The following CADM2 variants were observed in gnomAD, a reference collection of about 807,000 sequenced individuals.
The protein encoded by CADM2 is immunoglobulin superfamily member 4D.
Under a neutral mutation model 49.8 loss-of-function variants are expected in CADM2, and 12 were observed. The observed-to-expected ratio is 0.24, with a 90% CI of 0.15 to 0.39. The LOEUF (loss-of-function observed/expected upper bound fraction) is 0.39. Ranked by LOEUF, CADM2 falls within the 10% of genes least tolerant of loss-of-function variation. The probability of loss-of-function intolerance (pLI) is 1.00; values close to 1 mark genes in which losing one functional copy is unlikely to be tolerated. For missense variants in CADM2, 378 were observed against 492.3 expected (o/e 0.77, Z 2.20); for synonymous variants, 214 against 175.4 (o/e 1.22, Z -1.74).
intron 1 of CADM2, among the ~76,000 whole-genome samples, chr3:85,229,749 T>G (rs1467597243): frequency 6.6e-6 from 1 of 152,186 alleles, no homozygotes; most frequent in Non-Finnish European, 1.5e-5. Flanking sequence ...AAAAGTATTT[T>G]TGGTGTAAGA....
intron 1 of CADM2, among the ~76,000 whole-genome samples, chr3:85,466,726 C>A (rs544858685): frequency 6.6e-6 from 1 of 151,358 alleles, no homozygotes; most frequent in East Asian, 1.9e-4. Context: ...TAATTCAGTT[C>A]TTTTTTCAAA....
At chr3:85,507,083 A>G (rs945511647) in intron 1 of CADM2, among the ~76,000 whole-genome samples, 4 of 152,152 alleles carry the variant, frequency 2.6e-5, no homozygotes. Context: ...ATTTAAATTC[A>G]GCTATGCAGA....
At chr3:85,050,633 T>G (rs1446171715) in intron 1 of CADM2, among the ~76,000 whole-genome samples, 1 of 152,178 alleles carries the variant, frequency 6.6e-6, no homozygotes, top group South Asian at 2.1e-4. Flanking sequence ...AATGTTAAAA[T>G]ATGGTCTGTA....
Position 85,855,613 on chromosome 3 carries a change from ATAT to A in CADM2, c.239-27677_239-27675del, listed in dbSNP as rs2075282174. ...ATATATATATAAAACATATATATAT[ATAT>A]AAAACATATATATATATATATATAT... On this transcript the variant is annotated intron_variant, in intron 3 of 9. Transcript: ENST00000383699. Among the ~76,000 whole-genome samples the A allele has an allele frequency of 5.3e-5, 3 of 57,020 alleles. 1 individual carries two copies. Among genetic ancestry groups the A allele is most frequent in the African/African-American group, 5.5e-5 (1 of 18,038 alleles). The allele number at this position is 57,020 out of a possible 152,430, so 37.4% of individuals were successfully genotyped here.
chr3:85,726,197 T>C (rs997421048), intron 1 of CADM2, among the ~76,000 whole-genome samples: 1 of 151,992 alleles, frequency 6.6e-6, no homozygotes, highest in Non-Finnish European at 1.5e-5. Context: ...AAACTATATA[T>C]AATTTTAATT....
At chr3:85,402,537 A>T (rs1481774683) in intron 1 of CADM2, among the ~76,000 whole-genome samples, 1 of 150,108 alleles carries the variant, frequency 6.7e-6, no homozygotes, top group Non-Finnish European at 1.5e-5. Flanking sequence ...TATTTTTCTC[A>T]ATAAAATCTT....
intron 1 of CADM2, among the ~76,000 whole-genome samples, chr3:85,348,855 AAATAT>A (rs2031045196): frequency 6.6e-6 from 1 of 152,170 alleles, no homozygotes; most frequent in African/African-American, 2.4e-5. Context: ...GTTTGTTTTA[AAATAT>A]AATAATCATA....
intron 3 of CADM2, among the ~76,000 whole-genome samples, chr3:85,825,921 T>C (rs1294557801): frequency 3.9e-5 from 6 of 152,024 alleles, no homozygotes; most frequent in African/African-American, 1.2e-4. Context: ...GCTTTAATCC[T>C]TTTTAGATGT....
chr3:85,518,582 GA>G (rs2060957675), intron 1 of CADM2, among the ~76,000 whole-genome samples: 2 of 152,104 alleles, frequency 1.3e-5, no homozygotes, highest in African/African-American at 4.8e-5. Flanking sequence ...TTTCACCTGG[GA>G]AAAATTAGTG....
At chr3:85,450,847 G>A (rs2037718375) in intron 1 of CADM2, among the ~76,000 whole-genome samples, 1 of 151,918 alleles carries the variant, frequency 6.6e-6, no homozygotes, top group African/African-American at 2.4e-5. Flanking sequence ...AAAAGACTAT[G>A]AACTTCAAAT....
At chr3:85,929,329 T>C (rs1242373168) in intron 6 of CADM2, among the ~76,000 whole-genome samples, 1 of 152,072 alleles carries the variant, frequency 6.6e-6, no homozygotes, top group Non-Finnish European at 1.5e-5. Flanking sequence ...TTTCAATCAT[T>C]TGAAATATGT....
At chr3:85,260,478 A>C (rs2107888344) in intron 1 of CADM2, among the ~76,000 whole-genome samples, 1 of 152,252 alleles carries the variant, frequency 6.6e-6, no homozygotes, top group East Asian at 1.9e-4. Context: ...TAACTAAACA[A>C]ATGTCTGGCA....
chr3:85,204,795 A>T (rs1430997589), intron 1 of CADM2, among the ~76,000 whole-genome samples: 1 of 152,104 alleles, frequency 6.6e-6, no homozygotes, highest in Admixed American at 6.5e-5. Context: ...ACTAGGAGAG[A>T]CCATAAAATA....
intron 5 of CADM2, among the ~76,000 whole-genome samples, chr3:85,898,118 A>G (rs1429206807): frequency 6.6e-6 from 1 of 152,190 alleles, no homozygotes; most frequent in Non-Finnish European, 1.5e-5. Context: ...TAATGGTGTT[A>G]AACGCAGTAC....
At chr3:86,032,562 T>C (rs145339382) in intron 8 of CADM2, among the ~76,000 whole-genome samples, 1 of 152,022 alleles carries the variant, frequency 6.6e-6, no homozygotes, top group African/African-American at 2.4e-5. Context: ...ATTATATAAC[T>C]ATCCTTGTAG....
At chr3:85,049,027 T>G (rs2035775245) in intron 1 of CADM2, among the ~76,000 whole-genome samples, 1 of 152,076 alleles carries the variant, frequency 6.6e-6, no homozygotes, top group Admixed American at 6.6e-5. Flanking sequence ...AAACACAGTC[T>G]TAGTGAGAAT....
intron 1 of CADM2, among the ~76,000 whole-genome samples, chr3:85,135,472 G>A (rs72907123): frequency 0.1 from 15,900 of 151,980 alleles, 1,796 homozygotes; most frequent in African/African-American, 0.28. Context: ...TTACTATCTT[G>A]TAAATGTATA....
At chr3:85,520,520 T>C (rs2061006445) in intron 1 of CADM2, among the ~76,000 whole-genome samples, 2 of 152,044 alleles carry the variant, frequency 1.3e-5, no homozygotes, top group South Asian at 4.1e-4. Flanking sequence ...ACAGAAACTT[T>C]ATTTGCATTG....
At chr3:85,417,749 T>C (rs2035978789) in intron 1 of CADM2, among the ~76,000 whole-genome samples, 1 of 152,144 alleles carries the variant, frequency 6.6e-6, no homozygotes. Context: ...TTGGACTAGA[T>C]TACTTCTGAA....
Sources: gnomAD v4.1 joint callset for allele counts (sites outside exome capture counted in the v4.1 genomes callset) on GRCh38, gnomAD v4.1.1 for gene constraint, MANE v1.5 for transcripts, NCBI Gene and HGNC (gene_info 2026-07-23, HGNC 2026-07-21) for gene names.